The following CSGALNACT1 variants were observed in gnomAD, a reference collection of about 807,000 sequenced individuals.
The protein encoded by CSGALNACT1 is beta4GalNAcT-1.
Under a neutral mutation model 51.0 loss-of-function variants are expected in CSGALNACT1, and 52 were observed. That is an observed-to-expected ratio of 1.02 (90% confidence interval 0.82 to 1.29). The LOEUF is 1.29. Ranked by LOEUF, CSGALNACT1 falls within the 50% of genes most tolerant of loss-of-function variation. The pLI is 0.00. For synonymous variants in CSGALNACT1, 341 were observed against 254.4 expected (o/e 1.34, Z -3.24); for missense variants, 935 against 679.2 (o/e 1.38, Z -4.19).
intron 1 of CSGALNACT1, among the ~76,000 whole-genome samples, chr8:19,659,443 C>T (rs974976544): frequency 1.3e-5 from 2 of 152,226 alleles, no homozygotes; most frequent in Non-Finnish European, 2.9e-5. Context: ...TCAAACTCTT[C>T]TCCAAAGGCT....
intron 4 of CSGALNACT1, among the ~76,000 whole-genome samples, chr8:19,475,479 T>G (rs1052421561): frequency 6.6e-6 from 1 of 152,020 alleles, no homozygotes; most frequent in African/African-American, 2.4e-5. Context: ...CACCATAAAG[T>G]TTTGAAGGAA....
chr8:19,549,412 G>T (rs1404865116), intron 3 of CSGALNACT1, among the ~76,000 whole-genome samples: 1 of 151,874 alleles, frequency 6.6e-6, no homozygotes, highest in Non-Finnish European at 1.5e-5. Context: ...ATTTCTCTAT[G>T]TATCTAACAT....
upstream of CSGALNACT1, among the ~76,000 whole-genome samples, chr8:19,687,481 A>G (rs1271147840): frequency 6.6e-6 from 1 of 152,236 alleles, no homozygotes; most frequent in Non-Finnish European, 1.5e-5. Context: ...GATGCAAATT[A>G]CTAAAAAAAA....
chr8:19,437,480 G>A (rs1434553381), intron 6 of CSGALNACT1, among the ~76,000 whole-genome samples: 1 of 152,074 alleles, frequency 6.6e-6, no homozygotes, highest in African/African-American at 2.4e-5. Flanking sequence ...TGGCTGCAGA[G>A]GTCTGGGCAT....
intron 3 of CSGALNACT1, among the ~76,000 whole-genome samples, chr8:19,557,472 G>A (rs2039723546): frequency 6.6e-6 from 1 of 152,124 alleles, no homozygotes; most frequent in African/African-American, 2.4e-5. Context: ...AAAAGACCCT[G>A]CACCCAGCCT....
intron 1 of CSGALNACT1, among the ~76,000 whole-genome samples, chr8:19,666,869 G>T (rs900335096): frequency 7.8e-6 from 1 of 128,576 alleles, no homozygotes; most frequent in Admixed American, 7.9e-5. Context: ...AAGAAAGAAA[G>T]AAAGAAAGAA....
At chr8:19,727,406 G>A (rs1284110903) in intron 1 of CSGALNACT1, among the ~76,000 whole-genome samples, 1 of 152,102 alleles carries the variant, frequency 6.6e-6, no homozygotes, top group African/African-American at 2.4e-5. Flanking sequence ...GGAGTGCAGT[G>A]GTATGATCAC....
chr8:19,509,390 C>G (rs1430451593), intron 3 of CSGALNACT1, among the ~76,000 whole-genome samples: 4 of 152,022 alleles, frequency 2.6e-5, no homozygotes, highest in African/African-American at 9.7e-5. Context: ...GAGGCCAAGA[C>G]TGGCAGATCA....
intron 1 of CSGALNACT1, among the ~76,000 whole-genome samples, chr8:19,646,548 C>T (rs2057297337): frequency 6.6e-6 from 1 of 152,104 alleles, no homozygotes; most frequent in Admixed American, 6.5e-5. Context: ...GATGTGACAG[C>T]CCCTTATATT....
intron 8 of CSGALNACT1, among the ~76,000 whole-genome samples, chr8:19,410,873 C>T (rs1436347275): frequency 1.3e-5 from 2 of 152,208 alleles, no homozygotes; most frequent in Admixed American, 1.3e-4. Flanking sequence ...TTCCCTCAGT[C>T]GAGGTTCCAC....
chr8:19,521,708 T>C (rs1379857279), intron 3 of CSGALNACT1, among the ~76,000 whole-genome samples: 9 of 152,152 alleles, frequency 5.9e-5, no homozygotes, highest in Non-Finnish European at 1.3e-4. Context: ...GTTTAACATG[T>C]ACATTTCTGA....
intron 1 of CSGALNACT1, among the ~76,000 whole-genome samples, chr8:19,673,043 C>G (rs1002022781): frequency 6.6e-6 from 1 of 152,202 alleles, no homozygotes; most frequent in Non-Finnish European, 1.5e-5. Flanking sequence ...AAAGAGCCAT[C>G]TCAAAACATT....
intron 6 of CSGALNACT1, among the ~76,000 whole-genome samples, chr8:19,423,238 C>G (rs375228711): frequency 6.6e-6 from 1 of 152,286 alleles, no homozygotes; most frequent in East Asian, 1.9e-4. Context: ...CCTTGAACAG[C>G]CTACAGTCCA....
chr8:19,411,578 T>C (rs2055749931), intron 8 of CSGALNACT1, among the ~76,000 whole-genome samples: 1 of 152,158 alleles, frequency 6.6e-6, no homozygotes, highest in Non-Finnish European at 1.5e-5. Flanking sequence ...CCTCTCAGAA[T>C]CCTGTGGCTC....
intron 4 of CSGALNACT1, among the ~76,000 whole-genome samples, chr8:19,463,375 C>T (rs753890423): frequency 4.6e-5 from 7 of 152,166 alleles, no homozygotes; most frequent in African/African-American, 7.2e-5. Context: ...GCACACATTC[C>T]CATCCCTGCA....
At chr8:19,633,197 G>A (rs1034156121) in intron 1 of CSGALNACT1, among the ~76,000 whole-genome samples, 1 of 152,130 alleles carries the variant, frequency 6.6e-6, no homozygotes, top group Non-Finnish European at 1.5e-5. Context: ...AATTAAGAGG[G>A]CTTCCCCAGG....
intron 3 of CSGALNACT1, among the ~76,000 whole-genome samples, chr8:19,557,344 T>C (rs182737283): frequency 1.3e-5 from 2 of 152,320 alleles, no homozygotes; most frequent in Non-Finnish European, 2.9e-5. Flanking sequence ...GACTATTATA[T>C]GGCAGCAGAG....
At position 19,541,260 on chromosome 8, in the gene CSGALNACT1, T is replaced by C. The variant is rs10104027; in HGVS notation, c.-296-35130A>G. Among the ~76,000 whole-genome samples the C allele has an allele frequency of 5.9e-3, 879 of 148,246 alleles. 11 individuals carry two copies. The highest frequency in any genetic ancestry group is 0.021 in the African/African-American group (830 of 39,874). ...AAACTTGGCTAATTTTTTTTTTTTT[T>C]TTTTTTTTGAGACGGAGTCTTGCTT... On this transcript the variant is annotated intron_variant, in intron 3 of 9. Coordinates refer to ENST00000454498, the Ensembl canonical transcript of CSGALNACT1.
intron 1 of CSGALNACT1, among the ~76,000 whole-genome samples, chr8:19,711,029 C>T (rs1044067993): frequency 6.6e-6 from 1 of 152,256 alleles, no homozygotes; most frequent in East Asian, 1.9e-4. Context: ...CCACCCCCTG[C>T]TGCTATTCTA....
Sources: gnomAD v4.1 joint callset for allele counts (sites outside exome capture counted in the v4.1 genomes callset) on GRCh38, gnomAD v4.1.1 for gene constraint, MANE v1.5 for transcripts, NCBI Gene and HGNC (gene_info 2026-07-23, HGNC 2026-07-21) for gene names.